Variants in CARMIL1 observed in about 807,000 individuals in gnomAD.
CARMIL1 encodes the protein capping protein regulator and myosin 1 linker 1, also known as F-actin-uncapping protein LRRC16A.
In CARMIL1, 90 loss-of-function variants were observed where a neutral mutation model predicts 177.1. The observed-to-expected ratio is 0.51, with a 90% CI of 0.43 to 0.61. The LOEUF is 0.61. Ranked by LOEUF, CARMIL1 falls within the 20% of genes least tolerant of loss-of-function variation. The probability of loss-of-function intolerance (pLI) is 0.00; values close to 1 mark genes in which losing one functional copy is unlikely to be tolerated. For synonymous variants in CARMIL1, 577 were observed against 606.2 expected (o/e 0.95, Z 0.71); for missense variants, 1,380 against 1,667.0 (o/e 0.83, Z 3.00).
At chr6:25,369,392 T>C (rs1233455811) in intron 2 of CARMIL1, among the ~76,000 whole-genome samples, 3 of 151,752 alleles carry the variant, frequency 2.0e-5, no homozygotes, top group Non-Finnish European at 4.4e-5. Flanking sequence ...TTTTTTTTTT[T>C]TTTTTAAAGC....
chr6:25,406,450 T>G (rs114003317), intron 2 of CARMIL1, among the ~76,000 whole-genome samples: 2,508 of 152,232 alleles, frequency 0.016, 68 homozygotes, highest in African/African-American at 0.055. Context: ...TAATAATGTT[T>G]GGGTTCTTAA....
At chr6:25,471,742 C>G (rs928050318) in intron 10 of CARMIL1, among the ~76,000 whole-genome samples, 4 of 152,154 alleles carry the variant, frequency 2.6e-5, no homozygotes, top group African/African-American at 9.7e-5. Context: ...TTTCATATGA[C>G]TTTACTGCTT....
intron 8 of CARMIL1, among the ~76,000 whole-genome samples, chr6:25,458,112 TA>T (rs1291318280): frequency 6.6e-6 from 1 of 152,174 alleles, no homozygotes; most frequent in Non-Finnish European, 1.5e-5. Context: ...GTATCAGAAC[TA>T]GGTAATCTAG....
chr6:25,562,404 C>T (rs773458103), intron 29 of CARMIL1, among the ~76,000 whole-genome samples: 29 of 152,066 alleles, frequency 1.9e-4, no homozygotes, highest in Non-Finnish European at 1.0e-4. Flanking sequence ...CCTGCCACCG[C>T]GCCTGGCTAA....
At position 25,554,183 on chromosome 6, in the gene CARMIL1, T is replaced by C. The variant is rs951369450; in HGVS notation, c.2592+87T>C. 2.2e-6 allele frequency: 2 copies of C among 921,586 alleles called. No homozygotes were observed. The highest frequency in any genetic ancestry group is 3.5e-6 in the Non-Finnish European group (2 of 577,800). The allele number at this position is 921,586 out of a possible 1,614,324, so 57.1% of individuals were successfully genotyped here. A position where few individuals can be genotyped will look rare whatever the true frequency, so the allele number is the denominator to read the frequency against. Reference sequence around the variant, plus strand: ...ACTTCCGGTGTGGGGATGTGATTTCTTTTCTGTATTTCACACTATTACAGC... The same window carrying C: ...ACTTCCGGTGTGGGGATGTGATTTCCTTTCTGTATTTCACACTATTACAGC... On this transcript the variant is annotated intron_variant, in intron 28 of 36. Transcript: ENST00000329474. The surrounding 1 kb of genome is among the most constrained non-coding windows in gnomAD (Gnocchi z 4.6).
chr6:25,404,484 C>A (rs1018421097), intron 2 of CARMIL1, among the ~76,000 whole-genome samples: 1 of 152,096 alleles, frequency 6.6e-6, no homozygotes, highest in African/African-American at 2.4e-5. Context: ...AGGCTGGGCG[C>A]GGTGGCTCAT....
In CARMIL1 at chr6:25,581,454, G is replaced by A. The variant is rs768869550; in HGVS notation, c.3006+15G>A. 1.3e-6 allele frequency: 2 copies of A among 1,596,658 alleles called. No individual in the cohort carries two copies. The highest frequency in any genetic ancestry group is 1.7e-6 in the Non-Finnish European group (2 of 1,170,988). ...CCCAAGCAGCGGTAGGTGGACTGCA[G>A]GAGAGGCCCCATCTCTCCCACACCC... On this transcript the variant is annotated intron_variant, in intron 31 of 36. Transcript: ENST00000329474.
intron 5 of CARMIL1, among the ~76,000 whole-genome samples, chr6:25,436,640 A>C (rs953935393): frequency 8.5e-5 from 13 of 152,212 alleles, no homozygotes; most frequent in Non-Finnish European, 1.8e-4. Flanking sequence ...AGGCCTGCTC[A>C]GTTCCCTTCA....
chr6:25,616,240 A>G (rs1235865415), intron 36 of CARMIL1, among the ~76,000 whole-genome samples: 1 of 152,192 alleles, frequency 6.6e-6, no homozygotes, highest in African/African-American at 2.4e-5. Flanking sequence ...GTCTGTCTGA[A>G]TTTGTAAAAA....
At chr6:25,420,851 TTA>T (rs1795800579) in intron 3 of CARMIL1, among the ~76,000 whole-genome samples, 1 of 152,250 alleles carries the variant, frequency 6.6e-6, no homozygotes, top group Admixed American at 6.5e-5. Context: ...TTTATCATTT[TTA>T]TATGATATTG....
chr6:25,468,458 A>G (rs1800824378), intron 9 of CARMIL1, among the ~76,000 whole-genome samples: 1 of 152,188 alleles, frequency 6.6e-6, no homozygotes, highest in Non-Finnish European at 1.5e-5. Flanking sequence ...ATTACTCTAT[A>G]GTGATTCTAG....
At chr6:25,487,014 G>A (rs912414408) in intron 12 of CARMIL1, among the ~76,000 whole-genome samples, 2 of 152,102 alleles carry the variant, frequency 1.3e-5, no homozygotes, top group African/African-American at 4.8e-5. Context: ...TAAATGGTGA[G>A]TTGACAGCCA....
At chr6:25,485,459 G>A (rs188338452) in intron 12 of CARMIL1, among the ~76,000 whole-genome samples, 3 of 152,188 alleles carry the variant, frequency 2.0e-5, no homozygotes, top group South Asian at 2.1e-4. Flanking sequence ...TCTGTCGCTC[G>A]GGCTGGAGTG....
At chr6:25,381,027 A>G (rs928002120) in intron 2 of CARMIL1, among the ~76,000 whole-genome samples, 1 of 152,184 alleles carries the variant, frequency 6.6e-6, no homozygotes, top group African/African-American at 2.4e-5. Flanking sequence ...GTCTGCTAGA[A>G]TTTATAAATG....
chr6:25,494,603 T>G (rs1803519526), intron 15 of CARMIL1, among the ~76,000 whole-genome samples: 1 of 152,222 alleles, frequency 6.6e-6, no homozygotes, highest in Non-Finnish European at 1.5e-5. Context: ...ATGGACATAC[T>G]AGCTGAATAG....
chr6:25,452,000 C>G lies in CARMIL1; in HGVS notation c.614+1289C>G, dbSNP rs544896138. On this transcript the variant is annotated intron_variant, in intron 8 of 36. Coordinates refer to ENST00000329474, the MANE Select transcript of CARMIL1 (RefSeq NM_017640.6). ...ACTAGCATCTTGCCCCCCCCTCCCC[C>G]CCCCAGAATACTGTTTTGAATTATT... is the stretch of plus-strand genomic sequence containing the variant. The G allele has an allele frequency of 9.9e-4, 184 of 185,032 alleles. 5 individuals are homozygous for G. Among genetic ancestry groups the G allele is most frequent in the South Asian group, 6.1e-3 (91 of 14,974 alleles). The allele number at this position is 185,032 out of a possible 1,614,324, so 11.5% of individuals were successfully genotyped here.
rs1759566743 is a variant in CARMIL1, at chr6:25,619,544, C to T, written c.4077C>T (p.Asp1359=). ...GCCATCAAGGCAGCAAATCTAATGA[C>T]TCCGGGGAAGAAGCAGAAAAAGAGT... ...KDGHQGSKSN[D]SGEEAEKEFI... is the part of the protein sequence containing the mutation. Residue 1359 remains aspartate (D), a synonymous_variant, in exon 37 of 37, where the codon GAC becomes GAT. Transcript: ENST00000329474. 1 of 1,613,888 alleles carries T rather than the reference C, an allele frequency of 6.2e-7. No individual in the cohort carries two copies.
chr6:25,448,449 AACACTTTCCTG>A (rs753850703), intron 5 of CARMIL1, among the ~76,000 whole-genome samples: 5 of 151,944 alleles, frequency 3.3e-5, no homozygotes, highest in Non-Finnish European at 5.9e-5. Flanking sequence ...CTTTATCTGA[AACACTTTCCTG>A]GCCCCTAGCT....
intron 29 of CARMIL1, among the ~76,000 whole-genome samples, chr6:25,580,241 A>G (rs753137623): frequency 1.3e-5 from 2 of 152,158 alleles, no homozygotes; most frequent in Admixed American, 1.3e-4. Context: ...GTGTGATCCT[A>G]TTGAGGGAGA....
Sources: gnomAD v4.1 joint callset for allele counts (sites outside exome capture counted in the v4.1 genomes callset) on GRCh38, gnomAD v4.1.1 for gene constraint, Gnocchi (gnomAD v3.1) non-coding constraint, MANE v1.5 for transcripts, NCBI Gene and HGNC (gene_info 2026-07-23, HGNC 2026-07-21) for gene names.